KAT2B: variants seen among roughly 807,000 people sequenced by gnomAD.
The protein encoded by KAT2B is lysine acetyltransferase 2B, also known as histone acetyltransferase KAT2B.
KAT2B carries 36 observed loss-of-function variants against 105.9 expected under a neutral mutation model. The observed-to-expected ratio is 0.34, with a 90% CI of 0.26 to 0.45. The LOEUF (loss-of-function observed/expected upper bound fraction) is 0.45, where lower values mean the gene tolerates loss of function less well. KAT2B is among the 20% of genes least tolerant of loss of function. The pLI is 1.00. For synonymous variants in KAT2B, 397 were observed against 377.9 expected (o/e 1.05, Z -0.59); for missense variants, 820 against 1,021.6 (o/e 0.80, Z 2.69).
intron 1 of KAT2B, among the ~76,000 whole-genome samples, chr3:20,052,882 A>C (rs2125167044): frequency 6.6e-6 from 1 of 152,326 alleles, no homozygotes; most frequent in South Asian, 2.1e-4. Context: ...AGGCTGAGGC[A>C]GGAGAATCAC....
chr3:20,079,422 T>C (rs567233590), intron 2 of KAT2B, among the ~76,000 whole-genome samples: 28 of 152,238 alleles, frequency 1.8e-4, no homozygotes, highest in African/African-American at 6.3e-4. Context: ...CAAGCTGGTC[T>C]CAAACTCCTG....
intron 1 of KAT2B, among the ~76,000 whole-genome samples, chr3:20,042,564 A>G (rs1697738839): frequency 6.6e-6 from 1 of 152,228 alleles, no homozygotes; most frequent in South Asian, 2.1e-4. Flanking sequence ...AGCAAGGTCA[A>G]TTACTTGGTG....
At chr3:20,079,857 C>G (rs17796904) in intron 2 of KAT2B, among the ~76,000 whole-genome samples, 1 of 152,018 alleles carries the variant, frequency 6.6e-6, no homozygotes, top group African/African-American at 2.4e-5. Context: ...TTTCAGATGC[C>G]GGTTTCAGAG....
chr3:20,073,497 G>A (rs778121451), intron 2 of KAT2B, among the ~76,000 whole-genome samples: 2 of 152,172 alleles, frequency 1.3e-5, no homozygotes, highest in Non-Finnish European at 2.9e-5. Context: ...GAGCATACAA[G>A]TAGATAATGT....
chr3:20,112,211 C>G (rs1013795823), intron 6 of KAT2B, among the ~76,000 whole-genome samples: 1 of 149,640 alleles, frequency 6.7e-6, no homozygotes, highest in Admixed American at 6.6e-5. Flanking sequence ...TTTCCAAGCA[C>G]TGGTGAACCA....
At chr3:20,144,083 G>A (rs1464119262) in intron 13 of KAT2B, among the ~76,000 whole-genome samples, 3 of 152,030 alleles carry the variant, frequency 2.0e-5, no homozygotes, top group Non-Finnish European at 2.9e-5. Context: ...GAGAGCTTAG[G>A]ACGCCTCCCA....
At chr3:20,139,615 ATAT>A (rs1699664235) in intron 12 of KAT2B, among the ~76,000 whole-genome samples, 1 of 151,912 alleles carries the variant, frequency 6.6e-6, no homozygotes. Flanking sequence ...TATTATAAAT[ATAT>A]TATTTATAAT....
chr3:20,142,414 G>A (rs932554069), intron 13 of KAT2B, among the ~76,000 whole-genome samples: 1 of 152,120 alleles, frequency 6.6e-6, no homozygotes, highest in African/African-American at 2.4e-5. Context: ...ACAGAATTCA[G>A]TTGATTTTTT....
At chr3:20,085,429 G>A (rs1405406921) in intron 2 of KAT2B, among the ~76,000 whole-genome samples, 2 of 151,890 alleles carry the variant, frequency 1.3e-5, no homozygotes, top group African/African-American at 4.8e-5. Flanking sequence ...GTAACGTATT[G>A]TATAGTCAAA....
intron 2 of KAT2B, among the ~76,000 whole-genome samples, chr3:20,080,983 T>C (rs1214725319): frequency 6.6e-6 from 1 of 152,242 alleles, no homozygotes; most frequent in Admixed American, 6.5e-5. Context: ...TGCTCTCATC[T>C]AATGGGCTCT....
chr3:20,057,714 CA>C (rs1488430111), intron 1 of KAT2B, among the ~76,000 whole-genome samples: 2 of 152,212 alleles, frequency 1.3e-5, no homozygotes, highest in East Asian at 3.9e-4. Flanking sequence ...GAGGCCTTTT[CA>C]GGGGTAATGC....
chr3:20,061,455 C>A (rs1698098934), intron 1 of KAT2B, among the ~76,000 whole-genome samples: 1 of 152,088 alleles, frequency 6.6e-6, no homozygotes, highest in Non-Finnish European at 1.5e-5. Flanking sequence ...CCAAATATTT[C>A]TTTGACTTCC....
intron 1 of KAT2B, among the ~76,000 whole-genome samples, chr3:20,043,721 CT>C (rs111471660): frequency 0.01 from 1,065 of 106,086 alleles, 11 homozygotes; most frequent in African/African-American, 0.032. Context: ...CTCAGATTTG[CT>C]TTTTTTAAAA....
chr3:20,150,677 C>G (rs946244701), intron 17 of KAT2B, among the ~76,000 whole-genome samples: 1 of 152,188 alleles, frequency 6.6e-6, no homozygotes, highest in African/African-American at 2.4e-5. Context: ...AAGAAGAATG[C>G]TATCTATAGC....
chr3:20,143,298 C>T (rs891540673), intron 13 of KAT2B, among the ~76,000 whole-genome samples: 1 of 152,130 alleles, frequency 6.6e-6, no homozygotes, highest in Non-Finnish European at 1.5e-5. Flanking sequence ...GAAAATATCT[C>T]CTTTCTGAGA....
At chr3:20,076,103 A>G (rs1698414414) in intron 2 of KAT2B, among the ~76,000 whole-genome samples, 1 of 152,154 alleles carries the variant, frequency 6.6e-6, no homozygotes, top group African/African-American at 2.4e-5. Flanking sequence ...AAACTCAGGT[A>G]TGATCGAAAG....
At chr3:20,073,821 A>C (rs577144285) in intron 2 of KAT2B, among the ~76,000 whole-genome samples, 10 of 152,350 alleles carry the variant, frequency 6.6e-5, no homozygotes, top group African/African-American at 2.4e-4. Context: ...AAATGTCTGG[A>C]CTCAAGAAAT....
Position 20,061,920 on chromosome 3 carries a change from TATATATC to T in KAT2B, c.304-10406_304-10400del, listed in dbSNP as rs1360326783. ...TATATATTATATATAAAATATGTAT[TATATATC>T]ATATATAAAACATAATATATATTAT... is the stretch of plus-strand genomic sequence containing the variant. On this transcript the variant is annotated intron_variant, in intron 1 of 17. Coordinates refer to ENST00000263754, the MANE Select transcript of KAT2B (RefSeq NM_003884.5). Among the ~76,000 whole-genome samples the T allele has an allele frequency of 3.9e-3, 409 of 104,258 alleles. 16 individuals carry two copies. In the South Asian group the frequency reaches 0.041, roughly 10 times the overall value. 68.4% of individuals were successfully genotyped at this position (104,258 alleles called of 152,430 possible). A position where few individuals can be genotyped will look rare whatever the true frequency, so the allele number is the denominator to read the frequency against.
intron 2 of KAT2B, among the ~76,000 whole-genome samples, chr3:20,093,682 A>G (rs1375419052): frequency 1.3e-5 from 2 of 152,190 alleles, no homozygotes; most frequent in Admixed American, 6.5e-5. Context: ...GGAAAAATCT[A>G]TCACTTTTTA....
Sources: allele counts gnomAD v4.1 joint callset (sites outside exome capture counted in the v4.1 genomes callset), GRCh38; gene constraint gnomAD v4.1.1; transcripts MANE v1.5; gene names NCBI Gene and HGNC (gene_info 2026-07-23, HGNC 2026-07-21).